DCC: variants seen among roughly 807,000 people sequenced by gnomAD.
DCC encodes DCC netrin 1 receptor.
A neutral mutation model predicts 172.5 loss-of-function variants in DCC; 58 were observed. The ratio of observed to expected loss-of-function variants is 0.34; its 90% CI spans 0.27 to 0.42. The LOEUF is 0.42. DCC is among the 10% of genes least tolerant of loss of function. DCC has a pLI of 1.00. For missense variants in DCC, 1,740 were observed against 1,791.0 expected (o/e 0.97, Z 0.51); for synonymous variants, 709 against 644.5 (o/e 1.10, Z -1.52).
intron 12 of DCC, among the ~76,000 whole-genome samples, chr18:53,298,527 CAAAAAAAAAAAAAAA>C (rs61387067): frequency 3.0e-5 from 1 of 33,090 alleles, no homozygotes; most frequent in African/African-American, 8.6e-5. Flanking sequence ...GACCCTGACT[CAAAAAAAAAAAAAAA>C]AAAAAAAAAA....
At chr18:52,582,406 G>A (rs2033569698) in intron 1 of DCC, among the ~76,000 whole-genome samples, 1 of 152,152 alleles carries the variant, frequency 6.6e-6, no homozygotes, top group Non-Finnish European at 1.5e-5. Flanking sequence ...ATGGCATTTA[G>A]CATCTTTAAT....
At chr18:53,140,084 T>A (rs1186257526) in intron 7 of DCC, among the ~76,000 whole-genome samples, 1 of 152,208 alleles carries the variant, frequency 6.6e-6, no homozygotes, top group East Asian at 1.9e-4. Flanking sequence ...ATGAGATAGA[T>A]ATGTACCTTG....
chr18:53,481,370 A>T (rs144349334), intron 25 of DCC, among the ~76,000 whole-genome samples: 254 of 152,302 alleles, frequency 1.7e-3, no homozygotes, highest in Non-Finnish European at 3.0e-3. Flanking sequence ...TATATTAAGA[A>T]TAACTGCAAA....
At chr18:52,541,875 G>GTGTATATATATATATATATATATA in intron 1 of DCC, among the ~76,000 whole-genome samples, 1 of 115,184 alleles carries the variant, frequency 8.7e-6, no homozygotes, top group East Asian at 2.6e-4. Flanking sequence ...GTGTGTGTGT[G>GTGTATATATATATATATATATATA]TATATATATA....
chr18:53,245,814 A>G lies in DCC; in HGVS notation c.1911+30217A>G, dbSNP rs1412110060. Among the ~76,000 whole-genome samples the G allele has an allele frequency of 3.9e-5, 6 of 152,124 alleles. 1 individual carries two copies. Among genetic ancestry groups the G allele is most frequent in the Admixed American group, 3.9e-4 (6 of 15,254 alleles). ...AAGGAGTATCTTATTTTCTATCTCT[A>G]TGCAAACGTCAAGGTCACAGTCATA... On this transcript the variant is annotated intron_variant, in intron 12 of 28. Coordinates refer to ENST00000442544, the MANE Select transcript of DCC (RefSeq NM_005215.4).
chr18:52,728,834 C>T (rs2036592377), intron 1 of DCC, among the ~76,000 whole-genome samples: 1 of 152,160 alleles, frequency 6.6e-6, no homozygotes, highest in Non-Finnish European at 1.5e-5. Flanking sequence ...TGACTTGTTG[C>T]ATCCTTCATG....
At chr18:52,751,056 A>T (rs971946830) in intron 1 of DCC, among the ~76,000 whole-genome samples, 2 of 152,242 alleles carry the variant, frequency 1.3e-5, no homozygotes, top group African/African-American at 4.8e-5. Flanking sequence ...ATCAGCAAGA[A>T]AATTCAGTTA....
intron 12 of DCC, among the ~76,000 whole-genome samples, chr18:53,242,168 C>T (rs1378023140): frequency 6.6e-6 from 1 of 151,998 alleles, no homozygotes; most frequent in Non-Finnish European, 1.5e-5. Context: ...TCACTGGTAA[C>T]AAAGGGAAAC....
intron 7 of DCC, among the ~76,000 whole-genome samples, chr18:53,125,237 T>C (rs549506101): frequency 6.6e-6 from 1 of 152,188 alleles, no homozygotes; most frequent in South Asian, 2.1e-4. Flanking sequence ...TTCATGAGGT[T>C]AGGAGTTTTA....
At chr18:52,771,149 C>T (rs117657983) in intron 2 of DCC, among the ~76,000 whole-genome samples, 319 of 152,288 alleles carry the variant, frequency 2.1e-3, no homozygotes, top group East Asian at 0.021. Context: ...AGCAAAGAGG[C>T]GCCCTGGGAT....
intron 7 of DCC, among the ~76,000 whole-genome samples, chr18:53,085,709 G>A (rs1025282073): frequency 6.6e-6 from 1 of 151,666 alleles, no homozygotes; most frequent in Non-Finnish European, 1.5e-5. Flanking sequence ...TCTCAGGTGG[G>A]AAGATGGTAG....
chr18:53,076,594 C>A (rs2042727872), intron 7 of DCC, among the ~76,000 whole-genome samples: 1 of 151,976 alleles, frequency 6.6e-6, no homozygotes, highest in Non-Finnish European at 1.5e-5. Flanking sequence ...TTATTTGATT[C>A]TTTTCAATAT....
chr18:52,906,729 C>T (rs2039888458), intron 3 of DCC, among the ~76,000 whole-genome samples: 2 of 151,360 alleles, frequency 1.3e-5, no homozygotes, highest in Non-Finnish European at 2.9e-5. Flanking sequence ...AAGAACATTC[C>T]CTAAGTTAGT....
intron 1 of DCC, among the ~76,000 whole-genome samples, chr18:52,423,839 A>T (rs942121958): frequency 5.9e-5 from 9 of 152,168 alleles, no homozygotes; most frequent in African/African-American, 2.2e-4. Flanking sequence ...TAATCTTTAA[A>T]AGTAAGATAA....
chr18:53,142,692 C>T (rs2043849112), intron 7 of DCC, among the ~76,000 whole-genome samples: 1 of 152,194 alleles, frequency 6.6e-6, no homozygotes, highest in African/African-American at 2.4e-5. Flanking sequence ...CAGTTTTCCA[C>T]TGCTAACGTC....
intron 26 of DCC, among the ~76,000 whole-genome samples, chr18:53,489,079 G>A (rs1466631398): frequency 6.7e-6 from 1 of 149,526 alleles, no homozygotes; most frequent in Non-Finnish European, 1.5e-5. Flanking sequence ...AAAAAAAAAA[G>A]AAATTAATTG....
At chr18:52,698,600 CT>C (rs957522816) in intron 1 of DCC, among the ~76,000 whole-genome samples, 17 of 149,176 alleles carry the variant, frequency 1.1e-4, no homozygotes, top group Middle Eastern at 3.5e-3. Context: ...AGATGAGAGT[CT>C]TTTTTTTTTG....
chr18:52,753,857 G>GC (rs1446665617), intron 2 of DCC, among the ~76,000 whole-genome samples: 3 of 151,874 alleles, frequency 2.0e-5, no homozygotes, highest in Admixed American at 2.0e-4. Context: ...TGAAGAATCA[G>GC]TTTTTTTACT....
intron 1 of DCC, among the ~76,000 whole-genome samples, chr18:52,523,176 G>A (rs1055410820): frequency 1.3e-5 from 2 of 152,142 alleles, no homozygotes; most frequent in Admixed American, 6.5e-5. Flanking sequence ...TTTCTCACTT[G>A]CAGATTCTAC....
Sources: gnomAD v4.1 joint callset for allele counts (sites outside exome capture counted in the v4.1 genomes callset) on GRCh38, gnomAD v4.1.1 for gene constraint, MANE v1.5 for transcripts, NCBI Gene and HGNC (gene_info 2026-07-23, HGNC 2026-07-21) for gene names.